The following IQSEC1 variants were observed in gnomAD, a reference collection of about 807,000 sequenced individuals.
The protein encoded by IQSEC1 is IQ motif and SEC7 domain-containing protein 1.
IQSEC1 carries 31 observed loss-of-function variants against 91.0 expected under a neutral mutation model. The ratio of observed to expected loss-of-function variants is 0.34; its 90% CI spans 0.26 to 0.46. The LOEUF is 0.46. Ranked by LOEUF, IQSEC1 falls within the 20% of genes least tolerant of loss-of-function variation. The probability of loss-of-function intolerance (pLI) is 1.00; values close to 1 mark genes in which losing one functional copy is unlikely to be tolerated. For synonymous variants in IQSEC1, 699 were observed against 662.6 expected, an observed-to-expected ratio of 1.05 and a Z score of -0.84; for missense variants, 1,388 against 1,575.6, an observed-to-expected ratio of 0.88 and a Z score of 2.02.
At chr3:13,169,721 G>C (rs9844359) in intron 1 of IQSEC1, among the ~76,000 whole-genome samples, 47,466 of 152,110 alleles carry the variant, frequency 0.31, 7,967 homozygotes, top group Non-Finnish European at 0.36. Context: ...GAGACTGGCA[G>C]CATTTTGCCT....
chr3:12,921,212 A>C (rs1467363855), intron 5 of IQSEC1, among the ~76,000 whole-genome samples: 3 of 152,128 alleles, frequency 2.0e-5, no homozygotes, highest in Non-Finnish European at 2.9e-5. Context: ...GCAGGGACAG[A>C]GTAGAGGAGC....
At chr3:13,208,305 T>C (rs1559277789) in intron 1 of IQSEC1, among the ~76,000 whole-genome samples, 1 of 151,910 alleles carries the variant, frequency 6.6e-6, no homozygotes, top group Non-Finnish European at 1.5e-5. Context: ...GAAAAGGAGC[T>C]ACTCCAAAGG....
At chr3:12,956,009 T>C (rs1442974118) in intron 1 of IQSEC1, among the ~76,000 whole-genome samples, 2 of 152,190 alleles carry the variant, frequency 1.3e-5, no homozygotes, top group Admixed American at 1.3e-4. Flanking sequence ...TTTCAGCAAC[T>C]TAAGATTTTA....
chr3:13,216,593 G>T (rs139154574), intron 1 of IQSEC1, among the ~76,000 whole-genome samples: 173 of 152,310 alleles, frequency 1.1e-3, no homozygotes, highest in Middle Eastern at 3.4e-3. Flanking sequence ...CCGCAGGAGG[G>T]GCTAGAGAAA....
intron 3 of IQSEC1, among the ~76,000 whole-genome samples, chr3:12,928,836 T>C (rs1035573975): frequency 6.6e-6 from 1 of 152,110 alleles, no homozygotes; most frequent in African/African-American, 2.4e-5. Flanking sequence ...CTGCAGGACA[T>C]GCTTCAGCCA....
Position 13,266,479 on chromosome 3 carries a change from G to C in IQSEC1, c.272+16232C>G, listed in dbSNP as rs116541231. The stretch of plus-strand genomic sequence containing the variant: ...GGAGCCCACAGGCCCCTGAGGCCCA[G>C]ACCCTGCGCAGGGACTTTCTCATTA... On this transcript the variant is annotated intron_variant, in intron 1 of 15. Coordinates refer to the IQSEC1 transcript ENST00000648114. Among the ~76,000 whole-genome samples, 1,274 of 152,254 alleles carry C rather than the reference G, an allele frequency of 8.4e-3. 18 individuals carry two copies. The highest frequency in any genetic ancestry group is 0.029 in the African/African-American group (1,218 of 41,538).
At chr3:13,005,822 TG>T (rs1348922645) in intron 1 of IQSEC1, among the ~76,000 whole-genome samples, 1 of 152,034 alleles carries the variant, frequency 6.6e-6, no homozygotes, top group African/African-American at 2.4e-5. Flanking sequence ...AGCAAGGATT[TG>T]AGGGTCCCCC....
At chr3:13,197,280 C>T (rs1258149276) in intron 1 of IQSEC1, among the ~76,000 whole-genome samples, 1 of 152,246 alleles carries the variant, frequency 6.6e-6, no homozygotes, top group Admixed American at 6.5e-5. Context: ...TTGCAGCCCC[C>T]AAGCGCCCAC....
chr3:13,121,995 G>T (rs571376026), intron 2 of IQSEC1, among the ~76,000 whole-genome samples: 9 of 152,370 alleles, frequency 5.9e-5, no homozygotes, highest in African/African-American at 1.9e-4. Context: ...TCGGCCAGGC[G>T]CAGGCAGGAG....
chr3:12,901,092 A>G lies in IQSEC1; in HGVS notation c.3236T>C (p.Leu1079Pro). 6.5e-7 allele frequency: 1 copy of G among 1,538,564 alleles called. No homozygotes were observed. The highest frequency in any genetic ancestry group is 8.7e-7 in the Non-Finnish European group (1 of 1,144,574). The change falls in exon 14 of 14, where the codon CTG becomes CCG. Residue 1079 changes from leucine to proline, a missense_variant. By Grantham distance (98) the Leu-to-Pro change is moderately conservative. Around this residue, in one of 2 missense-constraint regions of IQSEC1, gnomAD observed 329 missense variants for 257.8 expected, o/e 1.28. Transcript: ENST00000613206. ...YGAHAHGHPP[L>P]PSAHVGHTVH... is the part of the protein sequence containing the mutation. ...TGTGTGCCCCACGTGGGCCGAGGGC[A>G]GCGGCGGGTGGCCGTGGGCATGGGC...
chr3:13,273,129 C>T (rs1317245881), intron 1 of IQSEC1, among the ~76,000 whole-genome samples: 1 of 152,168 alleles, frequency 6.6e-6, no homozygotes, highest in Non-Finnish European at 1.5e-5. Flanking sequence ...CACAGAGAGG[C>T]TCAGCCACAG....
At chr3:12,984,540 C>T (rs1225696625) in intron 1 of IQSEC1, among the ~76,000 whole-genome samples, 1 of 152,170 alleles carries the variant, frequency 6.6e-6, no homozygotes, top group Non-Finnish European at 1.5e-5. Flanking sequence ...GTACCTGCCA[C>T]CCTCCCAAGA....
At chr3:13,106,063 C>A (rs1018593693) in intron 2 of IQSEC1, among the ~76,000 whole-genome samples, 3 of 152,178 alleles carry the variant, frequency 2.0e-5, no homozygotes, top group Non-Finnish European at 2.9e-5. Flanking sequence ...ATAGAGGGAG[C>A]CTGGGTTCCT....
At position 12,970,101 on chromosome 3, in the gene IQSEC1, T is replaced by C. The variant is rs12489176; in HGVS notation, c.24-28236A>G. ...GTTTCTGCAACTGTAAAGAGTGGCT[T>C]AGCAGCCACCTCTACCCCAGCTAAT... On this transcript the variant is annotated intron_variant, in intron 1 of 13. Transcript: ENST00000613206. This position sits in a 1 kb window ranked among gnomAD's most constrained non-coding sequence, Gnocchi z 4.4. Among the ~76,000 whole-genome samples the C allele has an allele frequency of 0.19, 29,466 of 152,234 alleles. 4,230 individuals carry two copies. The highest frequency in any genetic ancestry group is 0.75 in the East Asian group (3,882 of 5,170).
At chr3:13,015,591 AG>A (rs1703086392) in intron 1 of IQSEC1, 1 of 985,140 alleles carries the variant, frequency 1.0e-6, no homozygotes, top group Admixed American at 6.2e-5. Context: ...CTCAAAGTGG[AG>A]GGGGCGGAGG....
rs146150450 is a variant in IQSEC1, at chr3:13,120,252, C to A, written c.302+43852G>T. ...CCTCACCCTCCTTACTTCTCTGGCTCCTCAGCACCACTCAGTAAGGTGGTG... is the reference window on the plus strand; with the variant it reads ...CCTCACCCTCCTTACTTCTCTGGCTACTCAGCACCACTCAGTAAGGTGGTG... On this transcript the variant is annotated intron_variant, in intron 2 of 15. Transcript: ENST00000648114. Among the ~76,000 whole-genome samples the A allele has an allele frequency of 2.2e-4, 33 of 152,328 alleles. No homozygotes were observed. In the East Asian group the frequency reaches 3.3e-3, roughly 15 times the overall value.
chr3:13,149,633 G>GTGAGA (rs1389696170), intron 2 of IQSEC1, among the ~76,000 whole-genome samples: 1 of 152,078 alleles, frequency 6.6e-6, no homozygotes, highest in Non-Finnish European at 1.5e-5. Flanking sequence ...GTGATGGGAG[G>GTGAGA]TGAGACTGGA....
At chr3:13,153,430 G>A (rs186429094) in intron 2 of IQSEC1, among the ~76,000 whole-genome samples, 3 of 152,204 alleles carry the variant, frequency 2.0e-5, no homozygotes, top group African/African-American at 4.8e-5. Context: ...ATTAGCAGAA[G>A]TTCAGTCATC....
chr3:13,252,542 T>A (rs528862266), intron 1 of IQSEC1, among the ~76,000 whole-genome samples: 34 of 152,310 alleles, frequency 2.2e-4, no homozygotes, highest in Non-Finnish European at 4.1e-4. Context: ...CGCGTTCAAT[T>A]CTTTTGGGCA....
Sources: allele counts gnomAD v4.1 joint callset (sites outside exome capture counted in the v4.1 genomes callset), GRCh38; gene constraint gnomAD v4.1.1; regional missense constraint gnomAD v4.1.1; non-coding constraint Gnocchi (gnomAD v3.1); transcripts MANE v1.5; gene names NCBI Gene and HGNC (gene_info 2026-07-23, HGNC 2026-07-21).